GSTK1: variants seen among roughly 807,000 people sequenced by gnomAD.
GSTK1 encodes the protein GST class-kappa.
In GSTK1, 25 loss-of-function variants were observed where a neutral mutation model predicts 30.9. That is an observed-to-expected ratio of 0.81 (90% CI 0.59 to 1.13). GSTK1 has a LOEUF of 1.13. GSTK1 is among the 50% of genes most tolerant of loss of function. GSTK1 has a pLI of 0.00. For missense variants in GSTK1, 292 were observed against 292.4 expected (o/e 1.00, Z 0.01); for synonymous variants, 108 against 112.5 (o/e 0.96, Z 0.25).
rs941798099 is a variant in GSTK1, at chr7:143,267,726, G to C, written c.530G>C (p.Arg177Thr). 5.6e-6 allele frequency: 9 copies of C among 1,605,426 alleles called. No individual in the cohort carries two copies. Among genetic ancestry groups the C allele is most frequent in the Admixed American group, 5.0e-5 (3 of 59,992 alleles). The change falls in exon 6 of 8, where the codon AGA becomes ACA. Residue 177 changes from arginine (R) to threonine (T), a missense_variant. Transcript: ENST00000358406. ...QLKETTEAAC[R>T]YGAFGLPITV... ...AAGGAGACCACTGAGGCAGCCTGCAGATACGGAGTGAGCAGCTCTTTATGT... is the reference window on the plus strand; with the variant it reads ...AAGGAGACCACTGAGGCAGCCTGCACATACGGAGTGAGCAGCTCTTTATGT...
intron 2 of GSTK1, 169 bp downstream of exon 2, chr7:143,264,336 C>A: frequency 1.3e-6 from 1 of 765,702 alleles, no homozygotes; most frequent in Non-Finnish European, 2.2e-6. Context: ...CACAGCTACT[C>A]GGGAGGCTGA....
chr7:143,264,100 T>G lies in GSTK1; in HGVS notation c.87T>G (p.Tyr29Ter). The change falls in exon 2 of 8, where the codon TAT becomes TAG. Residue 29 changes from tyrosine to a stop codon, truncating the protein, a stop_gained. Transcript: ENST00000358406. LOFTEE classifies it high-confidence loss of function. The stretch of plus-strand genomic sequence containing the variant: ...TCTGCCCGCAGATCCTGTGCCGGTA[T>G]CAGAATATCTGGAACATCAACCTGC... ...SWLGFEILCR[Y>*]QNIWNINLQL... The G allele has an allele frequency of 6.2e-7, 1 of 1,614,038 alleles. No individual in the cohort carries two copies. The highest frequency in any genetic ancestry group is 8.5e-7 in the Non-Finnish European group (1 of 1,179,944).
At chr7:143,263,836 A>T (rs903054701) in intron 1 of GSTK1, 21 of 602,940 alleles carry the variant, frequency 3.5e-5, no homozygotes, top group Middle Eastern at 4.3e-4. Context: ...GGCTCCAAAC[A>T]TTCAGGGAGA....
chr7:143,267,574 A>G, intron 5 of GSTK1, 43 bp from the exon 6 acceptor site: 4 of 1,442,772 alleles, frequency 2.8e-6, no homozygotes, highest in Non-Finnish European at 1.9e-6. Flanking sequence ...TCCCCATCCA[A>G]TATCATGCAG....
In GSTK1 at chr7:143,267,658, A is replaced by G; in HGVS notation, c.462A>G (p.Gly154=). 1.9e-6 allele frequency: 3 copies of G among 1,614,130 alleles called. No homozygotes were observed. The highest frequency in any genetic ancestry group is 2.5e-6 in the Non-Finnish European group (3 of 1,180,008). ...GTATGTCTGCAGAACAAGCCCAGGG[A>G]CTTCTGGAAAAGATCGCAACGCCAA... ...KAGMSAEQAQ[G]LLEKIATPKV... The change falls in exon 6 of 8, where the codon GGA becomes GGG. Residue 154 remains glycine, a synonymous_variant. Coordinates refer to ENST00000358406, the MANE Select transcript of GSTK1 (RefSeq NM_015917.3).
At position 143,265,306 on chromosome 7, in the gene GSTK1, C is replaced by T. The variant is rs1418854923; in HGVS notation, c.420+10C>T. 2.5e-6 allele frequency: 4 copies of T among 1,591,902 alleles called. No homozygotes were observed. The highest frequency in any genetic ancestry group is 2.6e-6 in the Non-Finnish European group (3 of 1,167,932). ...GCAGAGCATCCTGGCGGTGAGTGTCCTGGCTCCACCCCAACTGCACTCATA... is the reference window on the plus strand; with the variant it reads ...GCAGAGCATCCTGGCGGTGAGTGTCTTGGCTCCACCCCAACTGCACTCATA... On this transcript the variant is annotated intron_variant, in intron 5 of 7. Coordinates refer to ENST00000358406, the MANE Select transcript of GSTK1 (RefSeq NM_015917.3).
rs1800934238 is a variant in GSTK1, at chr7:143,268,123, G to A, written c.570G>A (p.Val190=). 1 of 1,613,996 alleles carries A rather than the reference G, an allele frequency of 6.2e-7. No homozygotes were observed. The highest frequency in any genetic ancestry group is 8.5e-7 in the Non-Finnish European group (1 of 1,179,982). ...AFGLPITVAH[V]DGQTHMLFGS... ...GGCTGCCCATCACCGTGGCCCATGTGGATGGCCAAACCCACATGTTATTTG... is the reference window on the plus strand; with the variant it reads ...GGCTGCCCATCACCGTGGCCCATGTAGATGGCCAAACCCACATGTTATTTG... Residue 190 remains valine, a synonymous_variant, in exon 7 of 8, where the codon GTG becomes GTA. Coordinates refer to ENST00000358406, the MANE Select transcript of GSTK1 (RefSeq NM_015917.3). This position sits in a 1 kb window ranked among gnomAD's most constrained non-coding sequence, Gnocchi z 4.1.
intron 5 of GSTK1, 131 bp from the exon 6 acceptor site, chr7:143,267,486 T>G (rs943577881): frequency 1.4e-6 from 1 of 699,068 alleles, no homozygotes; most frequent in Non-Finnish European, 2.6e-6. Context: ...AGGACAGATC[T>G]CCACTTGTGG....
In GSTK1 at chr7:143,263,535, G is replaced by A. The variant is rs1485024556; in HGVS notation, c.22G>A (p.Val8Met). Reference protein sequence around the residue: MGPLPRTVELFYDVLSPY... With the variant: MGPLPRTMELFYDVLSPY... ...CAGCATGGGGCCCCTGCCGCGCACC[G>A]TGGAGCTCTTCTATGACGTGCTGTC... The change falls in exon 1 of 8, where the codon GTG becomes ATG. Residue 8 changes from valine (V) to methionine (M), a missense_variant. By Grantham distance (21) the Val-to-Met change is conservative. Transcript: ENST00000358406. 1.9e-6 allele frequency: 3 copies of A among 1,610,488 alleles called. No homozygotes were observed. Among genetic ancestry groups the A allele is most frequent in the Non-Finnish European group, 2.5e-6 (3 of 1,180,026 alleles).
At chr7:143,266,785 C>T (rs145137200) in intron 5 of GSTK1, among the ~76,000 whole-genome samples, 6 of 149,648 alleles carry the variant, frequency 4.0e-5, no homozygotes, top group African/African-American at 1.5e-4. Context: ...CTCAGCCTTA[C>T]GAGTAGCTGG....
rs1440486970 is a variant in GSTK1, at chr7:143,268,450, G to A, written c.631+266G>A. 6.6e-6 allele frequency among the ~76,000 whole-genome samples: 1 copy of A among 152,136 alleles called. No individual in the cohort carries two copies. Among genetic ancestry groups the A allele is most frequent in the African/African-American group, 2.4e-5 (1 of 41,428 alleles). Reference sequence around the variant, plus strand: ...AGATCGCGCCACTGCACTCCAGCCTGGGTGACAAAGCAAGACTCCGTCTCA... The same window carrying A: ...AGATCGCGCCACTGCACTCCAGCCTAGGTGACAAAGCAAGACTCCGTCTCA... On this transcript the variant is annotated intron_variant, in intron 7 of 7. Coordinates refer to ENST00000358406, the MANE Select transcript of GSTK1 (RefSeq NM_015917.3). This position sits in a 1 kb window ranked among gnomAD's most constrained non-coding sequence, Gnocchi z 4.1.
At chr7:143,264,872 AC>A in intron 3 of GSTK1, 119 bp from the exon 4 acceptor site, 5 of 1,274,008 alleles carry the variant, frequency 3.9e-6, no homozygotes, top group Non-Finnish European at 5.5e-6. Context: ...GGTCATGGGA[AC>A]CTTGGGTGAG....
intron 4 of GSTK1, 34 bp from the exon 5 acceptor site, chr7:143,265,227 G>A (rs1325964058): frequency 5.6e-6 from 9 of 1,604,336 alleles, no homozygotes; most frequent in Admixed American, 3.4e-5. Flanking sequence ...CCCTCTCCCC[G>A]CACCGCCTTC....
chr7:143,267,806 C>A, intron 6 of GSTK1, 73 bp downstream of exon 6: 1 of 1,038,148 alleles, frequency 9.6e-7, no homozygotes, highest in Non-Finnish European at 1.5e-6. Flanking sequence ...AAGTTTGAGT[C>A]CTTATGCTCC....
At chr7:143,263,779 G>A (rs772185619) in intron 1 of GSTK1, 194 bp downstream of exon 1, 23 of 613,810 alleles carry the variant, frequency 3.7e-5, no homozygotes, top group Non-Finnish European at 5.4e-5. Flanking sequence ...TCCAACCCGA[G>A]CCTTTATATC....
intron 1 of GSTK1, 89 bp downstream of exon 1, chr7:143,263,674 G>A (rs2116691660): frequency 8.0e-7 from 1 of 1,253,970 alleles, no homozygotes; most frequent in Non-Finnish European, 1.1e-6. Context: ...GAGGTCTCGT[G>A]TAACTCCTGG....
At chr7:143,267,831 CT>C in intron 6 of GSTK1, 98 bp downstream of exon 6, 1 of 857,150 alleles carries the variant, frequency 1.2e-6, no homozygotes, top group Non-Finnish European at 1.9e-6. Flanking sequence ...CAAAAGCCCC[CT>C]TTCCAAGTGT....
chr7:143,263,933 TAGTAGTGAGG>T (rs1288763709), intron 1 of GSTK1, 143 bp from the exon 2 acceptor site: 2 of 660,312 alleles, frequency 3.0e-6, no homozygotes, highest in East Asian at 2.7e-5. Context: ...AATAGATTTC[TAGTAGTGAGG>T]AGAGTTTTGC....
At position 143,268,994 on chromosome 7, in the gene GSTK1, T is replaced by C; in HGVS notation, c.*157T>C. ...TCTGTCTTTCCCCTACCCCCAAGGA[T>C]GCCAGGAAGACGTCCACCATTAGCC... On this transcript the variant is annotated 3_prime_UTR_variant, in exon 8 of 8. Transcript: ENST00000358406. The surrounding 1 kb of genome is among the most constrained non-coding windows in gnomAD (Gnocchi z 4.1). The C allele has an allele frequency of 4.4e-6, 3 of 685,564 alleles. No individual in the cohort carries two copies. The highest frequency in any genetic ancestry group is 7.8e-6 in the Non-Finnish European group (3 of 384,324). 42.5% of individuals were successfully genotyped at this position (685,564 alleles called of 1,614,324 possible). A position where few individuals can be genotyped will look rare whatever the true frequency, so the allele number is the denominator to read the frequency against.
Sources: gnomAD v4.1 joint callset for allele counts (sites outside exome capture counted in the v4.1 genomes callset) on GRCh38, gnomAD v4.1.1 for gene constraint, Gnocchi (gnomAD v3.1) non-coding constraint, MANE v1.5 for transcripts, NCBI Gene and HGNC (gene_info 2026-07-23, HGNC 2026-07-21) for gene names.